SLC16A7: variants seen among roughly 807,000 people sequenced by gnomAD.
SLC16A7 encodes the protein solute carrier family 16 member 7.
In SLC16A7, 33 loss-of-function variants were observed where a neutral mutation model predicts 34.9. The observed-to-expected ratio is 0.94, with a 90% CI of 0.72 to 1.26. SLC16A7 has a LOEUF of 1.26. Ranked by LOEUF, SLC16A7 falls within the 50% of genes most tolerant of loss-of-function variation. The pLI is 0.00. For missense variants in SLC16A7, 573 were observed against 578.1 expected (o/e 0.99, Z 0.09); for synonymous variants, 201 against 206.6 (o/e 0.97, Z 0.23).
chr12:59,682,494 T>C (rs1363566847), intron 2 of SLC16A7, among the ~76,000 whole-genome samples: 2 of 152,188 alleles, frequency 1.3e-5, no homozygotes, highest in Non-Finnish European at 2.9e-5. Flanking sequence ...TGCTTATAGT[T>C]TAGATTTGGA....
intron 5 of SLC16A7, among the ~76,000 whole-genome samples, chr12:59,778,620 A>G (rs1882985057): frequency 6.6e-6 from 1 of 152,168 alleles, no homozygotes; most frequent in South Asian, 2.1e-4. Context: ...CCTTCATATT[A>G]AATGGCACCA....
chr12:59,728,900 G>A (rs990102674), intron 3 of SLC16A7, among the ~76,000 whole-genome samples: 2 of 152,110 alleles, frequency 1.3e-5, no homozygotes, highest in African/African-American at 4.8e-5. Flanking sequence ...AATTCTGAAA[G>A]TTTATTAACT....
chr12:59,788,534 T>C lies in SLC16A7; in HGVS notation c.*8855T>C, dbSNP rs1331816527. 1 of 151,988 alleles carries C rather than the reference T, an allele frequency of 6.6e-6. No homozygotes were observed. Among genetic ancestry groups the C allele is most frequent in the Admixed American group, 6.6e-5 (1 of 15,252 alleles). 9.4% of individuals were successfully genotyped at this position (151,988 alleles called of 1,614,324 possible). On this transcript the variant is annotated 3_prime_UTR_variant, in exon 6 of 6. Transcript: ENST00000547379. ...TCCAAACAGTTGTTTTTACATGACTTAAATCATGGCTGTATTATTTCATTT... is the reference window on the plus strand; with the variant it reads ...TCCAAACAGTTGTTTTTACATGACTCAAATCATGGCTGTATTATTTCATTT...
At chr12:59,771,537 AT>A (rs1347814360) in intron 4 of SLC16A7, among the ~76,000 whole-genome samples, 175 bp downstream of exon 4, 1 of 152,160 alleles carries the variant, frequency 6.6e-6, no homozygotes, top group Non-Finnish European at 1.5e-5. Flanking sequence ...ATGGGCAAAC[AT>A]TTCATTTTTA....
At chr12:59,741,777 T>C (rs1397643380) in intron 3 of SLC16A7, among the ~76,000 whole-genome samples, 1 of 152,172 alleles carries the variant, frequency 6.6e-6, no homozygotes, top group Non-Finnish European at 1.5e-5. Flanking sequence ...GAAAGGAGTG[T>C]GTGTTCAATG....
At chr12:59,683,472 G>T (rs1870905968) in intron 2 of SLC16A7, among the ~76,000 whole-genome samples, 1 of 152,112 alleles carries the variant, frequency 6.6e-6, no homozygotes, top group Non-Finnish European at 1.5e-5. Flanking sequence ...CATGAACCAT[G>T]ATGATCAAGA....
chr12:59,616,657 TA>T (rs1440867354), intron 1 of SLC16A7, among the ~76,000 whole-genome samples: 1 of 152,052 alleles, frequency 6.6e-6, no homozygotes, highest in Non-Finnish European at 1.5e-5. Context: ...TTTGTGAGGG[TA>T]AAAATAGGGA....
rs138689224 is a variant in SLC16A7 at position 59,712,954 on chromosome 12, G to T, written c.217+7936G>T. On this transcript the variant is annotated intron_variant, in intron 3 of 5. Transcript: ENST00000547379. Reference sequence around the variant, plus strand: ...GTGAGGTCTAGCATGAAATGCTCTCGTGAACTAACTGGTTATTCTGAAAAC... The same window carrying T: ...GTGAGGTCTAGCATGAAATGCTCTCTTGAACTAACTGGTTATTCTGAAAAC... Among the ~76,000 whole-genome samples, 211 of 152,238 alleles carry T rather than the reference G, an allele frequency of 1.4e-3. 1 individual carries two copies. Among genetic ancestry groups the T allele is most frequent in the Middle Eastern group, 6.8e-3 (2 of 294 alleles).
At chr12:59,664,691 AT>A (rs1182406148) in intron 2 of SLC16A7, 10 of 152,198 alleles carry the variant, frequency 6.6e-5, no homozygotes, top group African/African-American at 2.4e-4. Flanking sequence ...TCTTTGACCC[AT>A]GATATAATTT....
intron 3 of SLC16A7, chr12:59,719,813 G>T (rs1875356557): frequency 5.8e-6 from 2 of 343,092 alleles, no homozygotes; most frequent in African/African-American, 2.1e-5. Context: ...CCCTAGATTT[G>T]CACTTTCCAG....
intron 1 of SLC16A7, among the ~76,000 whole-genome samples, chr12:59,625,789 T>C (rs1234662384): frequency 6.6e-6 from 1 of 151,808 alleles, no homozygotes; most frequent in Non-Finnish European, 1.5e-5. Context: ...TTCAGCACCA[T>C]TGAGAAGCAA....
chr12:59,745,670 G>A (rs1206414291), intron 3 of SLC16A7, among the ~76,000 whole-genome samples: 1 of 152,090 alleles, frequency 6.6e-6, no homozygotes, highest in Non-Finnish European at 1.5e-5. Context: ...ACATAAAAAA[G>A]CAGATATTCT....
intron 2 of SLC16A7, among the ~76,000 whole-genome samples, chr12:59,688,400 G>C (rs1346908707): frequency 6.6e-6 from 1 of 152,106 alleles, no homozygotes; most frequent in Non-Finnish European, 1.5e-5. Flanking sequence ...CATAGTTCTA[G>C]AGTGAGACGA....
chr12:59,731,561 A>C (rs1363816940), intron 3 of SLC16A7, among the ~76,000 whole-genome samples: 1 of 152,204 alleles, frequency 6.6e-6, no homozygotes, highest in Admixed American at 6.5e-5. Context: ...TTGCTGGCTA[A>C]GAACTTTGAA....
intron 3 of SLC16A7, among the ~76,000 whole-genome samples, chr12:59,726,888 T>C (rs74094088): frequency 0.015 from 2,226 of 152,134 alleles, 47 homozygotes; most frequent in African/African-American, 0.05. Context: ...TGTCTAGAGA[T>C]TTATGCTTTA....
chr12:59,741,334 C>A (rs987273172), intron 3 of SLC16A7, among the ~76,000 whole-genome samples: 1 of 152,128 alleles, frequency 6.6e-6, no homozygotes, highest in Non-Finnish European at 1.5e-5. Context: ...CTTTGAGAAA[C>A]CTTACCCAGT....
intron 3 of SLC16A7, among the ~76,000 whole-genome samples, chr12:59,733,255 G>A (rs1029966145): frequency 6.6e-6 from 1 of 152,158 alleles, no homozygotes; most frequent in South Asian, 2.1e-4. Context: ...TGCTCGGCTT[G>A]TGGGATCTGC....
chr12:59,708,843 G>T (rs1236916224), intron 3 of SLC16A7, among the ~76,000 whole-genome samples: 1 of 151,568 alleles, frequency 6.6e-6, no homozygotes, highest in Non-Finnish European at 1.5e-5. Flanking sequence ...TCGCAGGAAG[G>T]ATGGAAAAGA....
intron 1 of SLC16A7, among the ~76,000 whole-genome samples, chr12:59,636,028 G>A (rs1011230491): frequency 2.0e-5 from 3 of 148,800 alleles, no homozygotes; most frequent in African/African-American, 7.4e-5. Context: ...AACTGTGTAG[G>A]GTATGCTGAA....
Sources: gnomAD v4.1 joint callset for allele counts (sites outside exome capture counted in the v4.1 genomes callset) on GRCh38, gnomAD v4.1.1 for gene constraint, MANE v1.5 for transcripts, NCBI Gene and HGNC (gene_info 2026-07-23, HGNC 2026-07-21) for gene names.